Variants in DNAJC6 observed in about 807,000 individuals in gnomAD.
DNAJC6 encodes the protein auxilin.
Under a neutral mutation model 110.0 loss-of-function variants are expected in DNAJC6, and 34 were observed. The ratio of observed to expected loss-of-function variants is 0.31; its 90% CI spans 0.24 to 0.41. DNAJC6 has a LOEUF of 0.41. Among genes scored for constraint, DNAJC6 ranks in the 10% least tolerant of loss-of-function variants. DNAJC6 has a pLI of 1.00. For synonymous variants in DNAJC6, 406 were observed against 437.2 expected, an observed-to-expected ratio of 0.93 and a Z score of 0.89; for missense variants, 1,031 against 1,207.8, an observed-to-expected ratio of 0.85 and a Z score of 2.17.
At chr1:65,404,533 G>T (rs749790712) in intron 15 of DNAJC6, among the ~76,000 whole-genome samples, 1 of 152,168 alleles carries the variant, frequency 6.6e-6, no homozygotes, top group Non-Finnish European at 1.5e-5. Context: ...TCAAATAGTG[G>T]TGAATTAGTG....
intron 13 of DNAJC6, among the ~76,000 whole-genome samples, chr1:65,397,919 GGTGTGTGTGTGC>G (rs1354516183): frequency 1.3e-5 from 2 of 151,830 alleles, no homozygotes; most frequent in African/African-American, 4.8e-5. Context: ...GTGGTGATGG[GGTGTGTGTGTGC>G]GTGTGTGTGT....
chr1:65,285,923 G>A (rs1017332199), intron 1 of DNAJC6, among the ~76,000 whole-genome samples: 3 of 151,992 alleles, frequency 2.0e-5, no homozygotes, highest in Non-Finnish European at 4.4e-5. Context: ...TGCCCGCCTC[G>A]GCCTTCCAAA....
intron 1 of DNAJC6, among the ~76,000 whole-genome samples, chr1:65,356,630 G>A (rs1341018030): frequency 1.3e-5 from 2 of 151,416 alleles, no homozygotes; most frequent in East Asian, 3.9e-4. Flanking sequence ...AAAAATTTCT[G>A]GTCATTTTAG....
At chr1:65,395,505 G>T (rs1324302388) in intron 13 of DNAJC6, among the ~76,000 whole-genome samples, 4 of 152,126 alleles carry the variant, frequency 2.6e-5, no homozygotes, top group Non-Finnish European at 5.9e-5. Flanking sequence ...ATAGCCACTA[G>T]TTACGTGTGG....
intron 1 of DNAJC6, among the ~76,000 whole-genome samples, chr1:65,276,409 C>G (rs1653673308): frequency 6.6e-6 from 1 of 152,152 alleles, no homozygotes; most frequent in African/African-American, 2.4e-5. Flanking sequence ...ATGATGTCAT[C>G]TACCTGTTGA....
chr1:65,375,488 C>T (rs990232329), intron 4 of DNAJC6, among the ~76,000 whole-genome samples: 1 of 149,448 alleles, frequency 6.7e-6, no homozygotes, highest in Admixed American at 6.7e-5. Context: ...TGCAGTTGTG[C>T]GATCTCGGCT....
intron 1 of DNAJC6, among the ~76,000 whole-genome samples, chr1:65,319,600 A>AT (rs68016758): frequency 0.73 from 110,845 of 151,144 alleles, 40,692 homozygotes; most frequent in East Asian, 0.83. Flanking sequence ...TGAAACCAGA[A>AT]TTTTTTTTCA....
chr1:65,376,681 T>G (rs1591364), intron 4 of DNAJC6, among the ~76,000 whole-genome samples: 103,085 of 151,584 alleles, frequency 0.68, 36,208 homozygotes, highest in African/African-American at 0.87. Context: ...ATTTTCCAAG[T>G]TTCCTTTTGT....
At chr1:65,269,500 T>C (rs1653438005) in intron 1 of DNAJC6, among the ~76,000 whole-genome samples, 1 of 152,104 alleles carries the variant, frequency 6.6e-6, no homozygotes, top group Non-Finnish European at 1.5e-5. Flanking sequence ...AAAAATAGTG[T>C]GGTGTTCATC....
intron 15 of DNAJC6, among the ~76,000 whole-genome samples, chr1:65,404,241 T>A (rs1401656616): frequency 1.3e-5 from 2 of 152,214 alleles, no homozygotes; most frequent in Non-Finnish European, 2.9e-5. Context: ...TATTGAGCCC[T>A]GAAGATGTAC....
intron 1 of DNAJC6, among the ~76,000 whole-genome samples, chr1:65,265,800 C>A (rs1474076893): frequency 2.0e-5 from 3 of 152,176 alleles, no homozygotes; most frequent in Non-Finnish European, 4.4e-5. Flanking sequence ...GGTCGTGCTC[C>A]TGGCCCGCGT....
chr1:65,311,413 C>T lies in DNAJC6; in HGVS notation c.193+1475C>T, dbSNP rs188677624. Among the ~76,000 whole-genome samples the T allele has an allele frequency of 5.3e-5, 8 of 151,940 alleles. No homozygotes were observed. The East Asian group carries it at 1.4e-3, about 26-fold the overall frequency. ...CTAATTTTTGTACTTTTAGTAGAGA[C>T]GGGGTTTTGCCATGTTGGCCGGGCT... On this transcript the variant is annotated intron_variant, in intron 1 of 18. Transcript: ENST00000371069.
intron 1 of DNAJC6, among the ~76,000 whole-genome samples, chr1:65,317,866 A>G (rs1446836974): frequency 1.3e-5 from 2 of 152,260 alleles, no homozygotes; most frequent in Non-Finnish European, 2.9e-5. Flanking sequence ...GGAAGACTAA[A>G]GAAGGCCACA....
chr1:65,285,452 C>T (rs905061652), intron 1 of DNAJC6, among the ~76,000 whole-genome samples: 3 of 152,086 alleles, frequency 2.0e-5, no homozygotes, highest in Non-Finnish European at 2.9e-5. Context: ...TTCCCTGCAA[C>T]GTTTTATGAA....
intron 1 of DNAJC6, among the ~76,000 whole-genome samples, chr1:65,359,409 G>A (rs886766415): frequency 2.6e-5 from 4 of 152,180 alleles, no homozygotes; most frequent in Admixed American, 2.6e-4. Flanking sequence ...AGGTAAAAGT[G>A]CAATTCTCTG....
chr1:65,380,925 T>TTTTTTTTTTTTTTTG (rs1645815071), intron 5 of DNAJC6, among the ~76,000 whole-genome samples: 1 of 136,506 alleles, frequency 7.3e-6, no homozygotes, highest in Admixed American at 7.1e-5. Flanking sequence ...TGTTTTGTTT[T>TTTTTTTTTTTTTTTG]TTTTTTTTTT....
chr1:65,386,969 G>A (rs768017997), intron 8 of DNAJC6, 40 bp downstream of exon 8: 2 of 1,472,654 alleles, frequency 1.4e-6, no homozygotes, highest in Admixed American at 1.7e-5. Context: ...GTTCATCTGA[G>A]TCTTCAATAG....
At chr1:65,306,601 G>GA (rs1645040849), upstream of DNAJC6, 1 of 152,180 alleles carries the variant, frequency 6.6e-6, no homozygotes, top group African/African-American at 2.4e-5. Flanking sequence ...GGCAGCAAGA[G>GA]AAAAGACAAA....
At chr1:65,362,707 G>A (rs1645609601) in intron 1 of DNAJC6, among the ~76,000 whole-genome samples, 1 of 152,142 alleles carries the variant, frequency 6.6e-6, no homozygotes, top group Non-Finnish European at 1.5e-5. Context: ...AGCTGGGCAG[G>A]AACCCAGGTG....
Sources: gnomAD v4.1 joint callset for allele counts (sites outside exome capture counted in the v4.1 genomes callset) on GRCh38, gnomAD v4.1.1 for gene constraint, MANE v1.5 for transcripts, NCBI Gene and HGNC (gene_info 2026-07-23, HGNC 2026-07-21) for gene names.